Variants in SPTSSB observed in about 807,000 individuals in gnomAD.
SPTSSB encodes serine palmitoyltransferase small subunit B, also known as androgen down regulated in mouse prostate.
A neutral mutation model predicts 7.7 loss-of-function variants in SPTSSB; 6 were observed. That is an observed-to-expected ratio of 0.78 (90% CI 0.43 to 1.54). The LOEUF (loss-of-function observed/expected upper bound fraction) is 1.54. Among genes scored for constraint, SPTSSB ranks in the 40% most tolerant of loss-of-function variants. The pLI, the probability that SPTSSB is intolerant of heterozygous loss-of-function variation, is 0.01. For synonymous variants in SPTSSB, 28 were observed against 29.7 expected, an observed-to-expected ratio of 0.94 and a Z score of 0.19; for missense variants, 91 against 93.0, an observed-to-expected ratio of 0.98 and a Z score of 0.09.
chr3:161,355,076 TC>T (rs942152884), intron 2 of SPTSSB, among the ~76,000 whole-genome samples: 1 of 152,138 alleles, frequency 6.6e-6, no homozygotes, highest in Non-Finnish European at 1.5e-5. Context: ...TCCTTTCACT[TC>T]CTAACAGAAA....
intron 1 of SPTSSB, among the ~76,000 whole-genome samples, chr3:161,366,864 C>A (rs1018571117): frequency 6.6e-6 from 1 of 152,128 alleles, no homozygotes; most frequent in South Asian, 2.1e-4. Context: ...TTTTTTCCTA[C>A]ATGTATTGAT....
intron 1 of SPTSSB, among the ~76,000 whole-genome samples, chr3:161,366,759 G>T (rs185922256): frequency 2.6e-5 from 4 of 152,194 alleles, no homozygotes; most frequent in African/African-American, 9.6e-5. Flanking sequence ...TACAGGGTAG[G>T]TGTGCAATAA....
chr3:161,360,815 A>G (rs886981559), intron 1 of SPTSSB, among the ~76,000 whole-genome samples: 17 of 152,214 alleles, frequency 1.1e-4, no homozygotes, highest in Admixed American at 6.5e-4. Context: ...ATAAGATTGG[A>G]GAAAATTAGC....
chr3:161,366,127 C>T (rs910948818), intron 1 of SPTSSB, among the ~76,000 whole-genome samples: 42 of 152,166 alleles, frequency 2.8e-4, no homozygotes, highest in African/African-American at 9.9e-4. Context: ...ATTTACCACA[C>T]AATTCTCTGG....
At position 161,344,908 on chromosome 3, in the gene SPTSSB, G is replaced by A. The variant is rs1714137605; in HGVS notation, c.*1185C>T. 6.6e-6 allele frequency: 1 copy of A among 152,478 alleles called. No individual in the cohort carries two copies. Among genetic ancestry groups the A allele is most frequent in the Admixed American group, 6.6e-5 (1 of 15,264 alleles). The allele number at this position is 152,478 out of a possible 1,614,324, so 9.4% of individuals were successfully genotyped here. ...TTTAACAAACATGCAAGTTAATTTG[G>A]CATGCCAAACATCTTTCTCTCTAGC... On this transcript the variant is annotated 3_prime_UTR_variant, in exon 3 of 3. Coordinates refer to ENST00000620149, the MANE Select transcript of SPTSSB (RefSeq NM_001040100.2).
At chr3:161,346,860 T>C (rs553257489) in intron 2 of SPTSSB, among the ~76,000 whole-genome samples, 1 of 152,210 alleles carries the variant, frequency 6.6e-6, no homozygotes, top group East Asian at 1.9e-4. Flanking sequence ...AGTAGGTTGC[T>C]TTTGAGGGGC....
rs200766958 is a variant in SPTSSB at position 161,346,409 on chromosome 3, T to TA, written c.-32-55dup. ...TGAGGAACCAAACATAGAATCACTTTAAAATTTCATGATCTCAGCATGTTA... is the reference window on the plus strand; with the variant it reads ...TGAGGAACCAAACATAGAATCACTTTAAAAATTTCATGATCTCAGCATGTTA... On this transcript the variant is annotated intron_variant, in intron 2 of 2. Coordinates refer to ENST00000620149, the MANE Select transcript of SPTSSB (RefSeq NM_001040100.2). 7.7e-4 allele frequency: 643 copies of TA among 836,200 alleles called. 5 individuals carry two copies. In the East Asian group the frequency reaches 0.015, roughly 19 times the overall value. 51.8% of individuals were successfully genotyped at this position (836,200 alleles called of 1,614,324 possible).
At chr3:161,369,365 TC>T (rs1299040225) in intron 1 of SPTSSB, among the ~76,000 whole-genome samples, 8 of 127,352 alleles carry the variant, frequency 6.3e-5, no homozygotes, top group Middle Eastern at 3.9e-3. Context: ...TTTCTTTCTC[TC>T]TCTGTCTCTC....
intron 2 of SPTSSB, among the ~76,000 whole-genome samples, chr3:161,359,000 T>C (rs529719146): frequency 1.1e-4 from 17 of 152,258 alleles, no homozygotes; most frequent in African/African-American, 4.1e-4. Flanking sequence ...ATAAGATAAA[T>C]CTATTTGTTT....
intron 1 of SPTSSB, among the ~76,000 whole-genome samples, chr3:161,369,314 C>CTCTCTCTTTCTTTCTTTCTTTCTTTCTT (rs1715379284): frequency 1.5e-5 from 1 of 65,718 alleles, no homozygotes; most frequent in Non-Finnish European, 2.7e-5. Flanking sequence ...TTCTTTCTTT[C>CTCTCTCTTTCTTTCTTTCTTTCTTTCTT]TCTTTCTTTC....
intron 1 of SPTSSB, among the ~76,000 whole-genome samples, chr3:161,367,573 C>G (rs1437255558): frequency 6.6e-6 from 1 of 152,328 alleles, no homozygotes; most frequent in Admixed American, 6.5e-5. Flanking sequence ...AGTACAGGAT[C>G]AGGCAGCTTG....
At chr3:161,348,888 GTTA>G in intron 2 of SPTSSB, among the ~76,000 whole-genome samples, 4 of 152,198 alleles carry the variant, frequency 2.6e-5, no homozygotes, top group Middle Eastern at 6.8e-3. Context: ...GGGAGAGTTG[GTTA>G]TTATTGTTGA....
chr3:161,352,559 T>A (rs946888585), intron 2 of SPTSSB, among the ~76,000 whole-genome samples: 3 of 152,244 alleles, frequency 2.0e-5, no homozygotes, highest in African/African-American at 7.2e-5. Flanking sequence ...GCAGCATTCA[T>A]CTTTTTATCC....
intron 2 of SPTSSB, among the ~76,000 whole-genome samples, chr3:161,358,921 A>C (rs1398600388): frequency 1.3e-5 from 2 of 152,242 alleles, no homozygotes; most frequent in Non-Finnish European, 2.9e-5. Context: ...AATTATTGCC[A>C]ACCATTTCAG....
chr3:161,355,430 G>A lies in SPTSSB; in HGVS notation c.-33+4372C>T, dbSNP rs147273015. On this transcript the variant is annotated intron_variant, in intron 2 of 2. Coordinates refer to ENST00000620149, the MANE Select transcript of SPTSSB (RefSeq NM_001040100.2). ...ATTCACAGAAGCATTATTCACAATA[G>A]TCAAAAGATGGAAGCAATCCAAATG... Among the ~76,000 whole-genome samples, 575 of 152,278 alleles carry A rather than the reference G, an allele frequency of 3.8e-3. 4 individuals carry two copies. The highest frequency in any genetic ancestry group is 0.013 in the African/African-American group (545 of 41,564).
intron 1 of SPTSSB, among the ~76,000 whole-genome samples, chr3:161,363,865 T>C (rs944716346): frequency 1.3e-5 from 2 of 152,136 alleles, no homozygotes; most frequent in African/African-American, 4.8e-5. Flanking sequence ...CATTTATTGG[T>C]CACTGCTATA....
chr3:161,348,682 C>A (rs369874393), intron 2 of SPTSSB, among the ~76,000 whole-genome samples: 1 of 152,140 alleles, frequency 6.6e-6, no homozygotes, highest in South Asian at 2.1e-4. Context: ...ACCATTTAAG[C>A]AGTTAAGATT....
intron 2 of SPTSSB, among the ~76,000 whole-genome samples, chr3:161,354,124 G>T (rs913087394): frequency 6.6e-6 from 1 of 152,160 alleles, no homozygotes; most frequent in African/African-American, 2.4e-5. Flanking sequence ...ACCCTCTAGA[G>T]ATAAGAAACA....
chr3:161,345,841 G>A lies in SPTSSB; in HGVS notation c.*252C>T, dbSNP rs1326232336. ...TTAAATAAACTAAATTCATAGATTT[G>A]TGTTGACAGAATATGATTTGTGAGG... On this transcript the variant is annotated 3_prime_UTR_variant, in exon 3 of 3. Coordinates refer to ENST00000620149, the MANE Select transcript of SPTSSB (RefSeq NM_001040100.2). 3.0e-6 allele frequency: 1 copy of A among 333,280 alleles called. No homozygotes were observed. The highest frequency in any genetic ancestry group is 4.5e-5 in the Admixed American group (1 of 22,146). The allele number at this position is 333,280 out of a possible 1,614,324, so 20.6% of individuals were successfully genotyped here. A position where few individuals can be genotyped will look rare whatever the true frequency, so the allele number is the denominator to read the frequency against.
Sources: allele counts gnomAD v4.1 joint callset (sites outside exome capture counted in the v4.1 genomes callset), GRCh38; gene constraint gnomAD v4.1.1; transcripts MANE v1.5; gene names NCBI Gene and HGNC (gene_info 2026-07-23, HGNC 2026-07-21).